GUCY1A2: variants seen among roughly 807,000 people sequenced by gnomAD.
The protein encoded by GUCY1A2 is guanylate cyclase 1 soluble subunit alpha 2.
Under a neutral mutation model 63.5 loss-of-function variants are expected in GUCY1A2, and 27 were observed. That is an observed-to-expected ratio of 0.43 (90% CI 0.31 to 0.59). The LOEUF (loss-of-function observed/expected upper bound fraction) is 0.59, where lower values mean the gene tolerates loss of function less well. Ranked by LOEUF, GUCY1A2 falls within the 20% of genes least tolerant of loss-of-function variation. The pLI is 0.11. For synonymous variants in GUCY1A2, 364 were observed against 343.5 expected, an observed-to-expected ratio of 1.06 and a Z score of -0.66; for missense variants, 768 against 913.3, an observed-to-expected ratio of 0.84 and a Z score of 2.05.
chr11:106,900,091 A>G (rs1860109627), intron 4 of GUCY1A2, among the ~76,000 whole-genome samples: 1 of 152,068 alleles, frequency 6.6e-6, no homozygotes, highest in Non-Finnish European at 1.5e-5. Flanking sequence ...GTCTCAAAAA[A>G]AAAAAAAAAA....
In GUCY1A2 at chr11:106,843,896, T is replaced by C. The variant is rs941727573; in HGVS notation, c.1207-33418A>G. On this transcript the variant is annotated intron_variant, in intron 4 of 7. Transcript: ENST00000526355. The stretch of plus-strand genomic sequence containing the variant: ...CTCCTATTTATTATGACAAAGGTTG[T>C]TGACTCTCACCACCATAGGATCCAT... 5.9e-5 allele frequency among the ~76,000 whole-genome samples: 9 copies of C among 151,882 alleles called. No homozygotes were observed. In the Admixed American group the frequency reaches 5.9e-4, roughly 10 times the overall value.
chr11:106,676,380 CTTT>C lies in GUCY1A2; in HGVS notation c.*11166_*11168del, dbSNP rs35106966. ...GTTTGATCTCTTGATCCAAGCTGTA[CTTT>C]TTTTTTTTTTGTATTTAATAAAATG... On this transcript the variant is annotated 3_prime_UTR_variant, in exon 8 of 8. Transcript: ENST00000526355. The C allele has an allele frequency of 5.8e-5, 10 of 171,534 alleles. No homozygotes were observed. The highest frequency in any genetic ancestry group is 2.1e-4 in the South Asian group (1 of 4,800). The allele number at this position is 171,534 out of a possible 1,614,324, so 10.6% of individuals were successfully genotyped here. A position where few individuals can be genotyped will look rare whatever the true frequency, so the allele number is the denominator to read the frequency against.
intron 5 of GUCY1A2, among the ~76,000 whole-genome samples, chr11:106,805,897 C>A (rs1171683826): frequency 6.6e-6 from 1 of 152,148 alleles, no homozygotes; most frequent in Admixed American, 6.5e-5. Context: ...GCTTTAGAAT[C>A]AGACAAGTCT....
chr11:106,993,672 A>G (rs546367576), intron 1 of GUCY1A2, among the ~76,000 whole-genome samples: 1 of 152,264 alleles, frequency 6.6e-6, no homozygotes, highest in East Asian at 1.9e-4. Flanking sequence ...CCTCGGGGGA[A>G]AAAAAAGCCT....
intron 4 of GUCY1A2, among the ~76,000 whole-genome samples, chr11:106,829,056 G>A (rs1825923756): frequency 6.6e-6 from 1 of 152,190 alleles, no homozygotes; most frequent in Admixed American, 6.5e-5. Context: ...TGAGTGCTCT[G>A]GGCATATCCT....
At chr11:106,817,355 T>A (rs17092201) in intron 4 of GUCY1A2, among the ~76,000 whole-genome samples, 7,552 of 152,152 alleles carry the variant, frequency 0.05, 344 homozygotes, top group African/African-American at 0.12. Flanking sequence ...ATAGCTCCTA[T>A]AACTTTAGTT....
rs1421998585 is a variant in GUCY1A2, at chr11:106,675,303, T to C, written c.*12246A>G. ...TTTTTTTTTAAATAAAGAAAAACCTTTCCATCCAACTTGAAGAAAAATCAG... is the reference window on the plus strand; with the variant it reads ...TTTTTTTTTAAATAAAGAAAAACCTCTCCATCCAACTTGAAGAAAAATCAG... On this transcript the variant is annotated 3_prime_UTR_variant, in exon 8 of 8. Transcript: ENST00000526355. 2 of 196,888 alleles carry C rather than the reference T, an allele frequency of 1.0e-5. No individual in the cohort carries two copies. Among genetic ancestry groups the C allele is most frequent in the Non-Finnish European group, 2.1e-5 (2 of 95,168 alleles). 12.2% of individuals were successfully genotyped at this position (196,888 alleles called of 1,614,324 possible).
chr11:106,690,865 A>G (rs183554678), intron 7 of GUCY1A2, among the ~76,000 whole-genome samples: 1 of 152,298 alleles, frequency 6.6e-6, no homozygotes, highest in East Asian at 1.9e-4. Flanking sequence ...AATAAATAAC[A>G]AGACTACGTA....
At chr11:106,856,660 T>C (rs28568536) in intron 4 of GUCY1A2, among the ~76,000 whole-genome samples, 3,627 of 152,302 alleles carry the variant, frequency 0.024, 141 homozygotes, top group African/African-American at 0.081. Context: ...AAAATTTCCA[T>C]TAAGTGTCTG....
At chr11:106,756,730 G>T (rs1468783117) in intron 6 of GUCY1A2, among the ~76,000 whole-genome samples, 4 of 152,150 alleles carry the variant, frequency 2.6e-5, no homozygotes, top group Admixed American at 2.6e-4. Flanking sequence ...TTAGTCTGAT[G>T]AGCTTCCCTT....
chr11:106,810,169 A>C lies in GUCY1A2; in HGVS notation c.1516T>G (p.Leu506Val). The C allele has an allele frequency of 6.2e-7, 1 of 1,613,576 alleles. No homozygotes were observed. The highest frequency in any genetic ancestry group is 8.5e-7 in the Non-Finnish European group (1 of 1,179,548). The change falls in exon 5 of 8, where the codon TTA (leucine) becomes GTA (valine). Residue 506 changes from leucine (L) to valine (V), a missense_variant. This residue lies in a region of GUCY1A2 where 122 missense variants were observed against 238.1 expected (regional missense o/e 0.51). Transcript: ENST00000526355. ...GCCTGTACTTGCTGCCCTTGCCATA[A>C]TTGCTGGGCTACATCACCAGGGAAA... Reference protein sequence around the residue: ...SIFPGDVAQQLWQGQQVQARK... With the variant: ...SIFPGDVAQQVWQGQQVQARK...
At chr11:106,943,273 A>G (rs1285199818) in intron 3 of GUCY1A2, among the ~76,000 whole-genome samples, 1 of 152,154 alleles carries the variant, frequency 6.6e-6, no homozygotes, top group Non-Finnish European at 1.5e-5. Flanking sequence ...CAAACCCCCT[A>G]CTTACAGTAA....
chr11:106,965,891 A>C (rs1861120393), intron 3 of GUCY1A2, among the ~76,000 whole-genome samples: 1 of 150,496 alleles, frequency 6.6e-6, no homozygotes, highest in Non-Finnish European at 1.5e-5. Context: ...CAGAACTTTC[A>C]TTAACCTCAA....
chr11:106,957,910 G>T (rs1197765409), intron 3 of GUCY1A2, among the ~76,000 whole-genome samples: 1 of 125,184 alleles, frequency 8.0e-6, no homozygotes, highest in African/African-American at 3.0e-5. Context: ...AGGTGTTGTG[G>T]TAAAGAAATG....
intron 3 of GUCY1A2, among the ~76,000 whole-genome samples, chr11:106,942,663 A>G (rs1860766609): frequency 2.0e-5 from 3 of 152,340 alleles, no homozygotes; most frequent in South Asian, 4.1e-4. Context: ...TGCATTTTTC[A>G]TAACATTGAA....
rs935674968 is a variant in GUCY1A2, at chr11:106,674,332, CAAA to C, written c.*13214_*13216del. 1.1e-5 allele frequency: 2 copies of C among 179,448 alleles called. No homozygotes were observed. The highest frequency in any genetic ancestry group is 4.7e-5 in the African/African-American group (2 of 42,288). The allele number at this position is 179,448 out of a possible 1,614,324, so 11.1% of individuals were successfully genotyped here. A position where few individuals can be genotyped will look rare whatever the true frequency, so the allele number is the denominator to read the frequency against. ...GTAAAAAGTGGTGTTACATGAAAAT[CAAA>C]GAAGATATTGTGGATATTTATAATC... On this transcript the variant is annotated 3_prime_UTR_variant, in exon 8 of 8. Coordinates refer to ENST00000526355, the MANE Select transcript of GUCY1A2 (RefSeq NM_000855.3).
chr11:106,990,773 T>C (rs892076686), intron 1 of GUCY1A2, among the ~76,000 whole-genome samples: 1 of 152,202 alleles, frequency 6.6e-6, no homozygotes, highest in Middle Eastern at 3.2e-3. Flanking sequence ...AGTGTATCCT[T>C]TTGCACTAGA....
intron 6 of GUCY1A2, among the ~76,000 whole-genome samples, chr11:106,739,022 G>A (rs1863641411): frequency 6.6e-6 from 1 of 152,082 alleles, no homozygotes; most frequent in South Asian, 2.1e-4. Flanking sequence ...TCCTATCCAC[G>A]AGCATGGAAT....
At chr11:106,865,362 G>C (rs1226258746) in intron 4 of GUCY1A2, among the ~76,000 whole-genome samples, 1 of 151,850 alleles carries the variant, frequency 6.6e-6, no homozygotes, top group Non-Finnish European at 1.5e-5. Context: ...TTTTTGAAGG[G>C]TTTTTTGTGT....
Sources: allele counts gnomAD v4.1 joint callset (sites outside exome capture counted in the v4.1 genomes callset), GRCh38; gene constraint gnomAD v4.1.1; regional missense constraint gnomAD v4.1.1; transcripts MANE v1.5; gene names NCBI Gene and HGNC (gene_info 2026-07-23, HGNC 2026-07-21).